The following ARSK variants were observed in gnomAD, a reference collection of about 807,000 sequenced individuals.
ARSK encodes the protein arylsulfatase K.
In ARSK, 37 loss-of-function variants were observed where a neutral mutation model predicts 53.2. The observed-to-expected ratio is 0.70, with a 90% CI of 0.54 to 0.92. The LOEUF (loss-of-function observed/expected upper bound fraction) is 0.92, where lower values mean the gene tolerates loss of function less well. Ranked by LOEUF, ARSK falls within the 40% of genes least tolerant of loss-of-function variation. ARSK has a pLI of 0.00. For missense variants in ARSK, 613 were observed against 643.0 expected (o/e 0.95, Z 0.51); for synonymous variants, 208 against 223.2 (o/e 0.93, Z 0.61).
At chr5:95,581,078 A>G (rs1490780560) in intron 3 of ARSK, 42 of 343,188 alleles carry the variant, frequency 1.2e-4, no homozygotes, top group Non-Finnish European at 2.1e-4. Flanking sequence ...AAAAGGCAAG[A>G]GAGGATACCA....
intron 6 of ARSK, among the ~76,000 whole-genome samples, chr5:95,598,745 T>C (rs1008935746): frequency 1.3e-5 from 2 of 152,120 alleles, no homozygotes; most frequent in African/African-American, 2.4e-5. Context: ...CCCCAACTCA[T>C]CTCTTATAAT....
chr5:95,567,659 A>C (rs1309455837), intron 2 of ARSK, among the ~76,000 whole-genome samples: 2 of 152,234 alleles, frequency 1.3e-5, no homozygotes, highest in East Asian at 1.9e-4. Context: ...TAACTTAAGC[A>C]CTAAGCGTTA....
chr5:95,586,200 C>T (rs943698428), intron 4 of ARSK, among the ~76,000 whole-genome samples: 3 of 152,088 alleles, frequency 2.0e-5, no homozygotes, highest in African/African-American at 7.2e-5. Flanking sequence ...AGTCCGTATT[C>T]TGAGGTTGTT....
At chr5:95,597,290 C>T (rs184676867) in intron 6 of ARSK, among the ~76,000 whole-genome samples, 70 of 152,032 alleles carry the variant, frequency 4.6e-4, no homozygotes, top group African/African-American at 1.6e-3. Context: ...TGTAATTATA[C>T]AAAAATGCAG....
Position 95,583,084 on chromosome 5 carries a change from T to A in ARSK, c.585T>A (p.Thr195=), listed in dbSNP as rs1178520358. Residue 195 remains threonine, a synonymous_variant, in exon 4 of 8, where the codon ACT becomes ACA. Transcript: ENST00000380009. ...TAAGAAAGGAAGCAATTAATTACAC[T>A]GAACCATTTGTTATTTACTTGGGAT... ...NWLRKEAINY[T]EPFVIYLGLN... is the part of the protein sequence containing the mutation. The A allele has an allele frequency of 6.2e-7, 1 of 1,613,782 alleles. No homozygotes were observed. The highest frequency in any genetic ancestry group is 8.5e-7 in the Non-Finnish European group (1 of 1,179,724).
In ARSK at chr5:95,555,112, C is replaced by T; in HGVS notation, c.-167C>T. ...TCTCTGTTGCGCATGTGCGCGCTCT[C>T]CGCCTGATAGGAGTTGTAGTTCTGC... is the stretch of plus-strand genomic sequence containing the variant. On this transcript the variant is annotated 5_prime_UTR_variant, in exon 1 of 8. Transcript: ENST00000380009. The surrounding 1 kb of genome is among the most constrained non-coding windows in gnomAD (Gnocchi z 4.0). 1.9e-6 allele frequency: 1 copy of T among 533,302 alleles called. No homozygotes were observed. Among genetic ancestry groups the T allele is most frequent in the South Asian group, 1.9e-5 (1 of 53,734 alleles). The allele number at this position is 533,302 out of a possible 1,614,324, so 33.0% of individuals were successfully genotyped here.
chr5:95,597,902 A>AG, intron 6 of ARSK, among the ~76,000 whole-genome samples: 1 of 141,838 alleles, frequency 7.1e-6, no homozygotes, highest in Non-Finnish European at 1.5e-5. Context: ...TCAAAAAAAA[A>AG]AAGTGGGGGG....
chr5:95,575,293 T>G (rs1475011050), intron 3 of ARSK, among the ~76,000 whole-genome samples: 3 of 152,228 alleles, frequency 2.0e-5, no homozygotes, highest in African/African-American at 7.2e-5. Context: ...CCTCCAATTT[T>G]GTTCTTTTTG....
intron 1 of ARSK, among the ~76,000 whole-genome samples, chr5:95,562,227 A>C (rs1296416958): frequency 7.4e-6 from 1 of 134,962 alleles, no homozygotes; most frequent in African/African-American, 3.5e-5. Flanking sequence ...AATAAATAAA[A>C]ATTTAAAATT....
intron 5 of ARSK, among the ~76,000 whole-genome samples, chr5:95,587,776 C>T (rs1424198895): frequency 5.9e-5 from 9 of 151,958 alleles, no homozygotes; most frequent in Admixed American, 2.6e-4. Flanking sequence ...TGTGGTGGCA[C>T]GCACGTGTGA....
rs1231699512 is a variant in ARSK, at chr5:95,601,019, C to A, written c.1269C>A (p.His423Gln). ...CCACCTACATGCTTCGAACTAACCA[C>A]TGGAAATATATAGCCTATTCGGATG... Reference protein sequence around the residue: ...NASTYMLRTNHWKYIAYSDGA... With the variant: ...NASTYMLRTNQWKYIAYSDGA... Residue 423 changes from histidine (H) to glutamine (Q), a missense_variant, in exon 7 of 8, where the codon CAC becomes CAA. Physicochemically the swap from His to Gln is conservative, Grantham distance 24. Transcript: ENST00000380009. The A allele has an allele frequency of 6.2e-7, 1 of 1,614,084 alleles. No homozygotes were observed. The highest frequency in any genetic ancestry group is 1.7e-5 in the Admixed American group (1 of 60,010).
intron 6 of ARSK, among the ~76,000 whole-genome samples, chr5:95,592,557 T>TG (rs1161188434): frequency 6.6e-6 from 1 of 152,040 alleles, no homozygotes; most frequent in Non-Finnish European, 1.5e-5. Context: ...CTCTTTTTTT[T>TG]TGTGTGTGTG....
At chr5:95,601,297 T>C (rs1027116724) in intron 7 of ARSK, among the ~76,000 whole-genome samples, 5 of 152,252 alleles carry the variant, frequency 3.3e-5, no homozygotes, top group Admixed American at 3.3e-4. Flanking sequence ...GTCTCATGAC[T>C]GAAACCAGTT....
intron 3 of ARSK, among the ~76,000 whole-genome samples, chr5:95,571,890 A>G (rs934601532): frequency 3.9e-5 from 6 of 152,214 alleles, no homozygotes; most frequent in African/African-American, 1.4e-4. Context: ...GGGTCTCAGA[A>G]CAAAACATGG....
At chr5:95,585,444 A>T (rs1341887526) in intron 4 of ARSK, among the ~76,000 whole-genome samples, 1 of 152,212 alleles carries the variant, frequency 6.6e-6, no homozygotes, top group South Asian at 2.1e-4. Context: ...CAACCAGTGG[A>T]TAAAGAAATT....
chr5:95,564,902 A>G (rs1292446174), intron 1 of ARSK, among the ~76,000 whole-genome samples: 1 of 152,114 alleles, frequency 6.6e-6, no homozygotes, highest in Non-Finnish European at 1.5e-5. Context: ...CACAGTTTTC[A>G]AAACCATGAA....
chr5:95,568,755 C>T (rs1336677343), intron 3 of ARSK, among the ~76,000 whole-genome samples: 2 of 152,152 alleles, frequency 1.3e-5, no homozygotes, highest in Non-Finnish European at 2.9e-5. Context: ...TCCCACTATT[C>T]CTTAACTGAT....
At chr5:95,558,043 A>C (rs1748555739) in intron 1 of ARSK, among the ~76,000 whole-genome samples, 1 of 152,192 alleles carries the variant, frequency 6.6e-6, no homozygotes, top group Admixed American at 6.6e-5. Context: ...AGAAGATAGG[A>C]CTACTCCCCC....
chr5:95,586,879 GT>G lies in ARSK; in HGVS notation c.871+148del, dbSNP rs1238139568. 9.5e-5 allele frequency: 56 copies of G among 589,316 alleles called. No individual in the cohort carries two copies. The Admixed American group carries it at 1.1e-3, about 12-fold the overall frequency. The allele number at this position is 589,316 out of a possible 1,614,324, so 36.5% of individuals were successfully genotyped here. On this transcript the variant is annotated intron_variant, in intron 5 of 7. Coordinates refer to ENST00000380009, the MANE Select transcript of ARSK (RefSeq NM_198150.3). ...CACTTATCAAAACTTGATAACTTGC[GT>G]TATTGATAGAATGAAAAGCTCTTTA...
Sources: allele counts gnomAD v4.1 joint callset (sites outside exome capture counted in the v4.1 genomes callset), GRCh38; gene constraint gnomAD v4.1.1; non-coding constraint Gnocchi (gnomAD v3.1); transcripts MANE v1.5; gene names NCBI Gene and HGNC (gene_info 2026-07-23, HGNC 2026-07-21).